INSL6: variants seen among roughly 807,000 people sequenced by gnomAD.
INSL6 encodes insulin like 6.
A neutral mutation model predicts 9.4 loss-of-function variants in INSL6; 16 were observed. That is an observed-to-expected ratio of 1.70 (90% CI 1.15 to 2.59). The LOEUF (loss-of-function observed/expected upper bound fraction) is 2.59, where lower values mean the gene tolerates loss of function less well. INSL6 is among the 30% of genes most tolerant of loss of function. The probability of loss-of-function intolerance (pLI) is 0.00; values close to 1 mark genes in which losing one functional copy is unlikely to be tolerated. For synonymous variants in INSL6, 154 were observed against 96.9 expected (o/e 1.59, Z -3.46); for missense variants, 391 against 257.3 (o/e 1.52, Z -3.56).
chr9:5,070,475 A>C, the INSL6 span, among the ~76,000 whole-genome samples: 1 of 152,162 alleles, frequency 6.6e-6, no homozygotes. Context: ...AAATCTGAGG[A>C]TACTTAAGTG....
the INSL6 span, chr9:5,055,911 C>A: frequency 2.4e-6 from 2 of 818,512 alleles, no homozygotes; most frequent in African/African-American, 1.7e-5. Flanking sequence ...AAATATAACT[C>A]TAAACATCAG....
At chr9:5,160,981 A>G (rs1481975130), downstream of INSL6, among the ~76,000 whole-genome samples, 1 of 152,192 alleles carries the variant, frequency 6.6e-6, no homozygotes, top group African/African-American at 2.4e-5. Context: ...CTCAGGACCG[A>G]TAGTTTCACT....
At chr9:5,029,653 A>G in the INSL6 span, 3 of 747,514 alleles carry the variant, frequency 4.0e-6, no homozygotes, top group Non-Finnish European at 6.3e-6. Flanking sequence ...ATATCAAAAG[A>G]TTTCGACTGC....
At chr9:5,112,514 C>CA in the INSL6 span, 1 of 576,896 alleles carries the variant, frequency 1.7e-6, no homozygotes, top group African/African-American at 1.9e-5. Flanking sequence ...GACCTTTTCC[C>CA]CCCAGAGCAG....
chr9:5,143,434 G>T (rs1033408346), intron 2 of INSL6, among the ~76,000 whole-genome samples: 17 of 151,844 alleles, frequency 1.1e-4, no homozygotes, highest in Non-Finnish European at 2.5e-4. Context: ...ATGTATCCAG[G>T]AATTTATCCA....
chr9:5,173,205 G>A (rs111717045), intron 1 of INSL6, among the ~76,000 whole-genome samples: 4,876 of 152,256 alleles, frequency 0.032, 246 homozygotes, highest in African/African-American at 0.11. Flanking sequence ...GGAAGACAGT[G>A]TGGTGATTCC....
At chr9:5,171,638 CAA>C (rs71536377) in intron 1 of INSL6, among the ~76,000 whole-genome samples, 4 of 152,170 alleles carry the variant, frequency 2.6e-5, no homozygotes, top group Non-Finnish European at 5.9e-5. Flanking sequence ...GCAAATTCAG[CAA>C]AGTCTCAAGA....
chr9:5,075,346 C>A, the INSL6 span, among the ~76,000 whole-genome samples: 2 of 152,206 alleles, frequency 1.3e-5, no homozygotes, highest in African/African-American at 4.8e-5. Context: ...CCATCTAGGA[C>A]TTCCACAGCT....
At chr9:5,153,410 A>C (rs1298322710) in intron 2 of INSL6, among the ~76,000 whole-genome samples, 10 of 152,202 alleles carry the variant, frequency 6.6e-5, no homozygotes. Context: ...CTCACGGTGT[A>C]AACAAAGCCA....
intron 2 of INSL6, among the ~76,000 whole-genome samples, chr9:5,158,151 G>T (rs1043889162): frequency 6.6e-6 from 1 of 152,034 alleles, no homozygotes; most frequent in Non-Finnish European, 1.5e-5. Context: ...CAGAGTCAGA[G>T]AAGACAAAAG....
At chr9:5,015,657 TCTTTCTCGTCATGTA>T in the INSL6 span, among the ~76,000 whole-genome samples, 1 of 152,084 alleles carries the variant, frequency 6.6e-6, no homozygotes, top group African/African-American at 2.4e-5. Context: ...CCTATTGTTT[TCTTTCTCGTCATGTA>T]CTTCCAGGAA....
the INSL6 span, among the ~76,000 whole-genome samples, chr9:5,072,174 A>C: frequency 6.6e-6 from 1 of 152,188 alleles, no homozygotes; most frequent in East Asian, 1.9e-4. Context: ...AGGCAAAGAA[A>C]ATGATTCCCA....
the INSL6 span, among the ~76,000 whole-genome samples, chr9:5,012,971 T>C: frequency 1.3e-5 from 2 of 152,124 alleles, no homozygotes; most frequent in Admixed American, 6.5e-5. Context: ...TAGTGTATGA[T>C]GGTAGTTGTG....
chr9:5,018,946 CTT>C, the INSL6 span, among the ~76,000 whole-genome samples: 4 of 152,096 alleles, frequency 2.6e-5, no homozygotes, highest in African/African-American at 9.7e-5. Flanking sequence ...AGAATTCTCT[CTT>C]TGTCTTTGAC....
chr9:5,166,039 A>C (rs772516946), intron 1 of INSL6, among the ~76,000 whole-genome samples: 31 of 152,230 alleles, frequency 2.0e-4, no homozygotes, highest in Non-Finnish European at 4.3e-4. Context: ...CGACCCAATC[A>C]GATTTCCTCA....
intron 1 of INSL6, among the ~76,000 whole-genome samples, chr9:5,181,301 C>G (rs16922741): frequency 6.6e-6 from 1 of 151,884 alleles, no homozygotes; most frequent in South Asian, 2.1e-4. Context: ...TATAGAGTCA[C>G]AGTATCAAAA....
At chr9:5,168,105 C>T (rs1331582445) in intron 1 of INSL6, among the ~76,000 whole-genome samples, 1 of 152,116 alleles carries the variant, frequency 6.6e-6, no homozygotes, top group African/African-American at 2.4e-5. Flanking sequence ...GGTTGATAAA[C>T]CCATGAAGAT....
the INSL6 span, chr9:5,090,897 A>T: frequency 6.2e-7 from 1 of 1,603,140 alleles, no homozygotes; most frequent in African/African-American, 1.4e-5. Flanking sequence ...AACCTGGTGA[A>T]AGTCCCATAT....
intron 3 of INSL6, among the ~76,000 whole-genome samples, chr9:5,132,432 A>G (rs890870324): frequency 3.9e-5 from 6 of 152,212 alleles, no homozygotes; most frequent in Admixed American, 3.3e-4. Flanking sequence ...AGTATGGACA[A>G]TACAATCAAA....
Sources: gnomAD v4.1 joint callset for allele counts (sites outside exome capture counted in the v4.1 genomes callset) on GRCh38, gnomAD v4.1.1 for gene constraint, MANE v1.5 for transcripts, NCBI Gene and HGNC (gene_info 2026-07-23, HGNC 2026-07-21) for gene names.